Variants in SEMA6D observed in about 807,000 individuals in gnomAD.
SEMA6D encodes semaphorin-6D.
In SEMA6D, 35 loss-of-function variants were observed where a neutral mutation model predicts 106.6. The ratio of observed to expected loss-of-function variants is 0.33; its 90% CI spans 0.25 to 0.44. The LOEUF is 0.44. Among genes scored for constraint, SEMA6D ranks in the 20% least tolerant of loss-of-function variants. The pLI is 1.00. For missense variants in SEMA6D, 1,185 were observed against 1,345.9 expected, an observed-to-expected ratio of 0.88 and a Z score of 1.87; for synonymous variants, 499 against 487.7, an observed-to-expected ratio of 1.02 and a Z score of -0.31.
intron 4 of SEMA6D, among the ~76,000 whole-genome samples, chr15:47,706,711 TTCTC>T (rs1424941121): frequency 6.6e-6 from 1 of 151,940 alleles, no homozygotes; most frequent in Non-Finnish European, 1.5e-5. Flanking sequence ...CTCTCTCTCT[TTCTC>T]TCTATTTTTC....
chr15:47,499,575 C>T (rs1218964180), intron 3 of SEMA6D, among the ~76,000 whole-genome samples: 2 of 152,040 alleles, frequency 1.3e-5, no homozygotes, highest in African/African-American at 4.8e-5. Flanking sequence ...GTCATGCTTT[C>T]AGAACAGACT....
intron 3 of SEMA6D, among the ~76,000 whole-genome samples, chr15:47,516,570 T>G (rs2044395574): frequency 6.6e-6 from 1 of 152,168 alleles, no homozygotes; most frequent in Admixed American, 6.5e-5. Context: ...TGCTCAGAGC[T>G]CCAGAGCTCC....
chr15:47,224,807 C>G (rs1179395879), intron 1 of SEMA6D, among the ~76,000 whole-genome samples: 1 of 151,938 alleles, frequency 6.6e-6, no homozygotes, highest in East Asian at 1.9e-4. Flanking sequence ...TCCGTTACTC[C>G]CATCTTGATC....
At chr15:47,600,234 T>C (rs913912278) in intron 3 of SEMA6D, among the ~76,000 whole-genome samples, 11 of 152,160 alleles carry the variant, frequency 7.2e-5, no homozygotes, top group African/African-American at 2.7e-4. Context: ...ATATCTTCCT[T>C]CAATTTTCAG....
intron 4 of SEMA6D, among the ~76,000 whole-genome samples, chr15:47,659,619 T>TCATGTG (rs2077876000): frequency 6.6e-6 from 1 of 152,042 alleles, no homozygotes; most frequent in African/African-American, 2.4e-5. Flanking sequence ...TCAAAAGTTT[T>TCATGTG]CATGTGTCAA....
chr15:47,611,317 G>T (rs2076900895), intron 4 of SEMA6D, among the ~76,000 whole-genome samples: 1 of 152,146 alleles, frequency 6.6e-6, no homozygotes, highest in South Asian at 2.1e-4. Context: ...TACCCTACAT[G>T]TCTAACAATA....
intron 3 of SEMA6D, among the ~76,000 whole-genome samples, chr15:47,597,254 T>C (rs2076555268): frequency 1.3e-5 from 2 of 152,084 alleles, no homozygotes; most frequent in African/African-American, 4.8e-5. Context: ...AAGAAAATCT[T>C]TGTACATTGC....
intron 4 of SEMA6D, among the ~76,000 whole-genome samples, chr15:47,691,224 A>G (rs1423620783): frequency 6.6e-6 from 1 of 152,074 alleles, no homozygotes; most frequent in Non-Finnish European, 1.5e-5. Flanking sequence ...TCCCTTTGAA[A>G]CCATGGTTTT....
intron 3 of SEMA6D, among the ~76,000 whole-genome samples, chr15:47,523,599 A>G (rs1248426856): frequency 6.6e-6 from 1 of 152,182 alleles, no homozygotes; most frequent in East Asian, 1.9e-4. Context: ...TTATTGACTC[A>G]ACAAAGCCTG....
At chr15:47,601,097 TGAGAGA>T (rs144757309) in intron 4 of SEMA6D, among the ~76,000 whole-genome samples, 4 of 148,106 alleles carry the variant, frequency 2.7e-5, no homozygotes, top group African/African-American at 7.4e-5. Context: ...AGAGAGAGAA[TGAGAGA>T]GAGAGAGAGA....
At chr15:47,659,861 G>A (rs1325185572) in intron 4 of SEMA6D, among the ~76,000 whole-genome samples, 2 of 152,010 alleles carry the variant, frequency 1.3e-5, no homozygotes, top group African/African-American at 4.8e-5. Flanking sequence ...AATTAGAAAA[G>A]TTTGATTATA....
chr15:47,605,595 T>C (rs969644674), intron 4 of SEMA6D, among the ~76,000 whole-genome samples: 4 of 151,858 alleles, frequency 2.6e-5, no homozygotes, highest in Non-Finnish European at 5.9e-5. Flanking sequence ...GAACAGCACC[T>C]CCCCAACTCG....
chr15:47,403,952 G>T (rs1268964143), intron 1 of SEMA6D, among the ~76,000 whole-genome samples: 2 of 152,092 alleles, frequency 1.3e-5, no homozygotes, highest in Non-Finnish European at 2.9e-5. Flanking sequence ...TAAAAGATTC[G>T]GGATGAGAAG....
chr15:47,675,605 C>T (rs1645714230), intron 4 of SEMA6D, among the ~76,000 whole-genome samples: 1 of 152,164 alleles, frequency 6.6e-6, no homozygotes, highest in African/African-American at 2.4e-5. Context: ...GTACTCCCCT[C>T]CCTAAGAGGC....
intron 1 of SEMA6D, among the ~76,000 whole-genome samples, chr15:47,189,730 T>C (rs939712383): frequency 2.0e-5 from 3 of 152,212 alleles, no homozygotes; most frequent in African/African-American, 7.2e-5. Flanking sequence ...AAAATGCAGA[T>C]GTGTTGTCTT....
At chr15:47,424,604 T>C (rs1248605658) in intron 2 of SEMA6D, among the ~76,000 whole-genome samples, 1 of 152,096 alleles carries the variant, frequency 6.6e-6, no homozygotes, top group East Asian at 1.9e-4. Flanking sequence ...AACAATGTAA[T>C]GAATATCCTT....
chr15:47,512,584 G>A lies in SEMA6D; in HGVS notation c.-87+42039G>A, dbSNP rs532553885. ...TGGGGAAAGGATTCCCATTTTGCAG[G>A]CAGATGCTTTAGGTATGAGGAAGAA... On this transcript the variant is annotated intron_variant, in intron 3 of 19. Coordinates refer to the SEMA6D transcript ENST00000558014. Among the ~76,000 whole-genome samples, 150 of 152,286 alleles carry A rather than the reference G, an allele frequency of 9.8e-4. 3 individuals carry two copies. In the South Asian group the frequency reaches 0.03, roughly 31 times the overall value.
chr15:47,483,586 G>A (rs546356659), intron 3 of SEMA6D, among the ~76,000 whole-genome samples: 1 of 152,206 alleles, frequency 6.6e-6, no homozygotes, highest in South Asian at 2.1e-4. Context: ...ATCAATTACA[G>A]TACCAGGATG....
chr15:47,722,011 C>T (rs1292729814), intron 1 of SEMA6D, among the ~76,000 whole-genome samples: 1 of 152,096 alleles, frequency 6.6e-6, no homozygotes, highest in African/African-American at 2.4e-5. Flanking sequence ...GTATTGTCTG[C>T]CTGTGGTAAC....
Sources: gnomAD v4.1 joint callset for allele counts (sites outside exome capture counted in the v4.1 genomes callset) on GRCh38, gnomAD v4.1.1 for gene constraint, MANE v1.5 for transcripts, NCBI Gene and HGNC (gene_info 2026-07-23, HGNC 2026-07-21) for gene names.